Variants in PRKCE observed in about 807,000 individuals in gnomAD.
PRKCE encodes protein kinase C epsilon, also known as protein kinase C epsilon type.
Under a neutral mutation model 85.4 loss-of-function variants are expected in PRKCE, and 16 were observed. The ratio of observed to expected loss-of-function variants is 0.19; its 90% CI spans 0.13 to 0.28. The LOEUF is 0.28. Ranked by LOEUF, PRKCE falls within the 10% of genes least tolerant of loss-of-function variation. The pLI is 1.00. For missense variants in PRKCE, 573 were observed against 975.2 expected (o/e 0.59, Z 5.49); for synonymous variants, 388 against 371.5 (o/e 1.04, Z -0.51).
chr2:45,683,663 G>T (rs1237218462), intron 1 of PRKCE, among the ~76,000 whole-genome samples: 2 of 152,202 alleles, frequency 1.3e-5, no homozygotes, highest in Non-Finnish European at 2.9e-5. Flanking sequence ...AGTATTTATG[G>T]CAAGTTCAGA....
intron 1 of PRKCE, among the ~76,000 whole-genome samples, chr2:45,824,820 T>G (rs780446835): frequency 7.2e-5 from 11 of 152,196 alleles, no homozygotes; most frequent in Non-Finnish European, 1.5e-4. Flanking sequence ...TGTTTATGAA[T>G]GAAGGGGGAA....
At chr2:46,097,098 C>T (rs1021487640) in intron 11 of PRKCE, among the ~76,000 whole-genome samples, 11 of 152,128 alleles carry the variant, frequency 7.2e-5, no homozygotes, top group Admixed American at 3.3e-4. Flanking sequence ...GCCCAGATCT[C>T]ACAACCAGGT....
intron 1 of PRKCE, among the ~76,000 whole-genome samples, chr2:45,752,028 G>A (rs1469088282): frequency 6.7e-6 from 1 of 149,728 alleles, no homozygotes; most frequent in Non-Finnish European, 1.5e-5. Flanking sequence ...CGTTTTAGCC[G>A]GGATGGTCTC....
At chr2:46,057,695 A>C (rs1666725526) in intron 10 of PRKCE, among the ~76,000 whole-genome samples, 1 of 151,850 alleles carries the variant, frequency 6.6e-6, no homozygotes. Context: ...CAGCCTTCAA[A>C]TTTTTTTTAA....
At chr2:46,016,341 A>G (rs906976596) in intron 10 of PRKCE, among the ~76,000 whole-genome samples, 2 of 152,122 alleles carry the variant, frequency 1.3e-5, no homozygotes, top group Non-Finnish European at 2.9e-5. Context: ...GTGTCTGTGT[A>G]GATGAGCTGG....
chr2:45,660,503 T>G (rs1675587693), intron 1 of PRKCE, among the ~76,000 whole-genome samples: 1 of 152,134 alleles, frequency 6.6e-6, no homozygotes, highest in South Asian at 2.1e-4. Context: ...TTTGCAGAGT[T>G]TAAATGAAGT....
At chr2:45,658,737 T>A (rs558814633) in intron 1 of PRKCE, among the ~76,000 whole-genome samples, 45 of 152,360 alleles carry the variant, frequency 3.0e-4, no homozygotes, top group Non-Finnish European at 5.7e-4. Context: ...GTTCATAGTT[T>A]TAGAATCTTA....
At chr2:46,172,982 ACT>A (rs1163030567) in intron 14 of PRKCE, among the ~76,000 whole-genome samples, 1 of 152,146 alleles carries the variant, frequency 6.6e-6, no homozygotes, top group Non-Finnish European at 1.5e-5. Context: ...GATACAGTAA[ACT>A]CTGTCTCCAG....
intron 2 of PRKCE, among the ~76,000 whole-genome samples, chr2:45,916,306 C>G (rs1697773320): frequency 6.8e-6 from 1 of 146,984 alleles, no homozygotes; most frequent in African/African-American, 2.5e-5. Flanking sequence ...GTGGTGTGAA[C>G]ACGGCTCACT....
rs151227781 is a variant in PRKCE at position 46,076,749 on chromosome 2, C to T, written c.1438-9459C>T. Among the ~76,000 whole-genome samples the T allele has an allele frequency of 1.5e-3, 226 of 152,248 alleles. 1 individual carries two copies. Among genetic ancestry groups the T allele is most frequent in the African/African-American group, 5.1e-3 (213 of 41,528 alleles). On this transcript the variant is annotated intron_variant, in intron 10 of 14. Coordinates refer to ENST00000306156, the MANE Select transcript of PRKCE (RefSeq NM_005400.3). Reference sequence around the variant, plus strand: ...CCAAAAGTGGGATGGACTCTACCCTCTCTGGCTTATAGACAATCATTATAA... The same window carrying T: ...CCAAAAGTGGGATGGACTCTACCCTTTCTGGCTTATAGACAATCATTATAA...
intron 1 of PRKCE, among the ~76,000 whole-genome samples, chr2:45,737,348 C>G (rs1682159755): frequency 6.6e-6 from 1 of 152,220 alleles, no homozygotes; most frequent in African/African-American, 2.4e-5. Context: ...TCACTCCCCA[C>G]CCTGCCTGAA....
rs115377355 is a variant in PRKCE, at chr2:45,844,936, C to T, written c.412+1873C>T. Among the ~76,000 whole-genome samples the T allele has an allele frequency of 3.1e-3, 475 of 152,098 alleles. 4 individuals are homozygous for T. The highest frequency in any genetic ancestry group is 9.8e-3 in the African/African-American group (408 of 41,486). On this transcript the variant is annotated intron_variant, in intron 2 of 14. Transcript: ENST00000306156. ...AAAGCAATTTTCACTGGGCTAAATT[C>T]TGAGTCTATTTTTTAAATCTCTTTC...
chr2:45,699,895 G>A (rs978508407), intron 1 of PRKCE, among the ~76,000 whole-genome samples: 7 of 152,116 alleles, frequency 4.6e-5, no homozygotes, highest in East Asian at 1.9e-4. Context: ...ATGGGTGCTC[G>A]TTTTGCACAC....
chr2:45,884,927 G>C (rs1255544862), intron 2 of PRKCE, among the ~76,000 whole-genome samples: 2 of 131,676 alleles, frequency 1.5e-5, no homozygotes, highest in Admixed American at 1.6e-4. Context: ...GATTGTATAA[G>C]CTGCGTGTGA....
intron 14 of PRKCE, among the ~76,000 whole-genome samples, chr2:46,183,624 C>A (rs896654312): frequency 8.5e-5 from 13 of 152,222 alleles, no homozygotes; most frequent in African/African-American, 3.1e-4. Flanking sequence ...CATCCCCATG[C>A]CGCACTCTGC....
chr2:45,715,147 T>G (rs996203322), intron 1 of PRKCE, among the ~76,000 whole-genome samples: 1 of 152,226 alleles, frequency 6.6e-6, no homozygotes, highest in African/African-American at 2.4e-5. Flanking sequence ...TACCAAATAT[T>G]TCTTGAGTGC....
At chr2:45,761,846 C>A (rs1019113635) in intron 1 of PRKCE, among the ~76,000 whole-genome samples, 3 of 152,154 alleles carry the variant, frequency 2.0e-5, no homozygotes, top group African/African-American at 7.2e-5. Flanking sequence ...CTGCTTGAGC[C>A]AGGGCTGTCT....
chr2:45,923,607 G>A (rs1475420947), intron 2 of PRKCE, among the ~76,000 whole-genome samples: 2 of 152,188 alleles, frequency 1.3e-5, no homozygotes, highest in Admixed American at 1.3e-4. Flanking sequence ...TAGGTGCTGC[G>A]GTGGATATAG....
chr2:46,115,376 G>A (rs1302612368), intron 11 of PRKCE, among the ~76,000 whole-genome samples: 1 of 152,120 alleles, frequency 6.6e-6, no homozygotes, highest in Non-Finnish European at 1.5e-5. Context: ...TTTGTACAAA[G>A]AGAAGCACAT....
Sources: allele counts gnomAD v4.1 joint callset (sites outside exome capture counted in the v4.1 genomes callset), GRCh38; gene constraint gnomAD v4.1.1; transcripts MANE v1.5; gene names NCBI Gene and HGNC (gene_info 2026-07-23, HGNC 2026-07-21).